The following ABCB1 variants were observed in gnomAD, a reference collection of about 807,000 sequenced individuals.
ABCB1 encodes ATP binding cassette subfamily B member 1.
A neutral mutation model predicts 142.0 loss-of-function variants in ABCB1; 69 were observed. The ratio of observed to expected loss-of-function variants is 0.49; its 90% CI spans 0.40 to 0.59. ABCB1 has a LOEUF of 0.59. Ranked by LOEUF, ABCB1 falls within the 20% of genes least tolerant of loss-of-function variation. The pLI, the probability that ABCB1 is intolerant of heterozygous loss-of-function variation, is 0.00. For synonymous variants in ABCB1, 532 were observed against 539.2 expected, an observed-to-expected ratio of 0.99 and a Z score of 0.18; for missense variants, 1,326 against 1,554.7, an observed-to-expected ratio of 0.85 and a Z score of 2.47.
chr7:87,676,772 C>T (rs1042592810), intron 1 of ABCB1, among the ~76,000 whole-genome samples: 1 of 151,018 alleles, frequency 6.6e-6, no homozygotes, highest in African/African-American at 2.4e-5. Flanking sequence ...ATCACAACTC[C>T]TTGCCTTATC....
intron 4 of ABCB1, among the ~76,000 whole-genome samples, chr7:87,573,177 A>G (rs776938725): frequency 7.9e-5 from 12 of 152,204 alleles, no homozygotes; most frequent in South Asian, 2.1e-4. Context: ...TTACATGACG[A>G]CAGTCAAGAG....
At chr7:87,626,335 C>CATATATATCT (rs1210197292) in intron 1 of ABCB1, among the ~76,000 whole-genome samples, 3 of 28,824 alleles carry the variant, frequency 1.0e-4, no homozygotes, top group Admixed American at 5.1e-4. Flanking sequence ...ATATATGTGT[C>CATATATATCT]GTATATGTGT....
chr7:87,628,773 G>C, intron 1 of ABCB1: 1 of 1,123,792 alleles, frequency 8.9e-7, no homozygotes, highest in South Asian at 4.5e-5. Context: ...AGCAGGTGTG[G>C]GGGGCGTGCG....
intron 3 of ABCB1, among the ~76,000 whole-genome samples, chr7:87,594,265 T>C (rs1377244060): frequency 6.6e-6 from 1 of 152,184 alleles, no homozygotes; most frequent in Non-Finnish European, 1.5e-5. Flanking sequence ...TTTCTTCATG[T>C]GTAAAACTGG....
In ABCB1 at chr7:87,566,127, G is replaced by T; in HGVS notation, c.645C>A (p.Thr215=). The T allele has an allele frequency of 1.2e-6, 2 of 1,614,092 alleles. No individual in the cohort carries two copies. Among genetic ancestry groups the T allele is most frequent in the Non-Finnish European group, 1.7e-6 (2 of 1,180,012 alleles). Residue 215 remains threonine (T), a synonymous_variant, in exon 7 of 28, where the codon ACC becomes ACA. Transcript: ENST00000622132. ...IVGFTRGWKL[T]LVILAISPVL... is the part of the protein sequence containing the mutation. ...CAGGACTGATGGCCAAAATCACAAGGGTTAGCTTCCAACCACGTGTAAATC... is the reference window on the plus strand; with the variant it reads ...CAGGACTGATGGCCAAAATCACAAGTGTTAGCTTCCAACCACGTGTAAATC...
rs1563080649 is a variant in ABCB1, at chr7:87,626,413, TATATATGTGTCATATGTATGTGTC to T, written c.-330-25359_-330-25336del. Among the ~76,000 whole-genome samples, 17 of 21,928 alleles carry T rather than the reference TATATATGTGTCATATGTATGTGTC, an allele frequency of 7.8e-4. 5 individuals carry two copies. Among genetic ancestry groups the T allele is most frequent in the African/African-American group, 1.3e-3 (2 of 1,536 alleles). 14.4% of individuals were successfully genotyped at this position (21,928 alleles called of 152,430 possible). A position where few individuals can be genotyped will look rare whatever the true frequency, so the allele number is the denominator to read the frequency against. ...ATATATGTGTCATATGTATGTGTCA[TATATATGTGTCATATGTATGTGTC>T]ATATATGTGTCATATATATGTGTCA... On this transcript the variant is annotated intron_variant, in intron 1 of 28. Transcript: ENST00000265724.
chr7:87,543,786 A>C (rs28381924), intron 17 of ABCB1, among the ~76,000 whole-genome samples: 1 of 152,186 alleles, frequency 6.6e-6, no homozygotes, highest in Non-Finnish European at 1.5e-5. Flanking sequence ...ACATTTGAGG[A>C]ACTCTCTTTG....
At chr7:87,504,503 T>A in intron 27 of ABCB1, 54 bp from the exon 28 acceptor site, 1 of 1,602,284 alleles carries the variant, frequency 6.2e-7, no homozygotes, top group Non-Finnish European at 8.5e-7. Flanking sequence ...CCCTAATTCC[T>A]CTTCCATAAA....
chr7:87,711,003 C>T (rs1830025430), intron 1 of ABCB1, among the ~76,000 whole-genome samples: 1 of 151,904 alleles, frequency 6.6e-6, no homozygotes, highest in African/African-American at 2.4e-5. Context: ...TTCTTTTCAC[C>T]TCAGTATTTC....
At chr7:87,700,123 T>C (rs1302475537) in intron 1 of ABCB1, among the ~76,000 whole-genome samples, 1 of 152,026 alleles carries the variant, frequency 6.6e-6, no homozygotes, top group East Asian at 1.9e-4. Flanking sequence ...ATTAGACAAA[T>C]AGGATGTTAA....
rs1818847050 is a variant in ABCB1 at position 87,588,261 on chromosome 7, ACAGATTATTTCATCACCCAGCT to A, written c.118-2603_118-2582del. 3.3e-5 allele frequency among the ~76,000 whole-genome samples: 5 copies of A among 151,976 alleles called. No individual in the cohort carries two copies. In the South Asian group the frequency reaches 1.0e-3, roughly 32 times the overall value. The stretch of plus-strand genomic sequence containing the variant: ...AACTTGTTTCATGGGGGGTTGTTGT[ACAGATTATTTCATCACCCAGCT>A]ATTAAGCCTAGTACTCGTTAGTTAT... On this transcript the variant is annotated intron_variant, in intron 3 of 27. Transcript: ENST00000622132.
At chr7:87,514,312 A>G (rs1815138590) in intron 25 of ABCB1, among the ~76,000 whole-genome samples, 1 of 152,162 alleles carries the variant, frequency 6.6e-6, no homozygotes. Context: ...AGTACAACTA[A>G]TTACATGCCT....
In ABCB1 at chr7:87,544,103, A is replaced by G; in HGVS notation, c.2211+26T>C. The G allele has an allele frequency of 1.9e-6, 3 of 1,613,374 alleles. No homozygotes were observed. In the East Asian group the frequency reaches 6.7e-5, roughly 36 times the overall value. The stretch of plus-strand genomic sequence containing the variant: ...TTCTTCCATCAGGATTCACAAGTAA[A>G]TCACACAAATGGGCATCACACTTAC... On this transcript the variant is annotated intron_variant, in intron 17 of 27. Transcript: ENST00000622132.
At position 87,509,503 on chromosome 7, in the gene ABCB1, T is replaced by A. The variant is rs200182870; in HGVS notation, c.3283-22A>T. Reference sequence around the variant, plus strand: ...GCAGCTGAAAACAAGAGTTCACAGATCAACTTCAGGACCAGCACACTTTGA... The same window carrying A: ...GCAGCTGAAAACAAGAGTTCACAGAACAACTTCAGGACCAGCACACTTTGA... On this transcript the variant is annotated intron_variant, in intron 25 of 27. Transcript: ENST00000622132. 2.5e-6 allele frequency: 4 copies of A among 1,611,550 alleles called. No homozygotes were observed. In the African/African-American group the frequency reaches 5.3e-5, roughly 22 times the overall value.
intron 1 of ABCB1, among the ~76,000 whole-genome samples, chr7:87,704,121 A>T (rs967632428): frequency 4.0e-5 from 6 of 151,694 alleles, no homozygotes; most frequent in African/African-American, 2.4e-5. Context: ...GGGTTTCACC[A>T]TATTGGCCAG....
At chr7:87,638,751 A>C (rs1398748370) in intron 1 of ABCB1, among the ~76,000 whole-genome samples, 1 of 151,852 alleles carries the variant, frequency 6.6e-6, no homozygotes, top group African/African-American at 2.4e-5. Context: ...GGCATTTATT[A>C]ATTTTACCAA....
chr7:87,592,742 T>C (rs769216724), intron 3 of ABCB1, among the ~76,000 whole-genome samples: 10 of 152,184 alleles, frequency 6.6e-5, no homozygotes, highest in Middle Eastern at 3.2e-3. Context: ...CAGGTACTTA[T>C]GTCCCTATAT....
At position 87,619,762 on chromosome 7, in the gene ABCB1, GTGTA is replaced by G. The variant is rs777861145; in HGVS notation, c.-330-18688_-330-18685del. ...CACAAACACATGTGTGTGTGTGTGT[GTGTA>G]TATATATATATATATGAATAAACTG... On this transcript the variant is annotated intron_variant, in intron 1 of 28. Coordinates refer to the ABCB1 transcript ENST00000265724. Among the ~76,000 whole-genome samples, 801 of 148,242 alleles carry G rather than the reference GTGTA, an allele frequency of 5.4e-3. 9 individuals are homozygous for G. The highest frequency in any genetic ancestry group is 0.019 in the African/African-American group (763 of 39,140).
At chr7:87,561,191 C>T (rs970930625) in intron 8 of ABCB1, 72 bp downstream of exon 8, 154 of 1,562,696 alleles carry the variant, frequency 9.9e-5, no homozygotes, top group Non-Finnish European at 1.3e-4. Context: ...TTATAAATAA[C>T]ACTGTCAATC....
Sources: gnomAD v4.1 joint callset for allele counts (sites outside exome capture counted in the v4.1 genomes callset) on GRCh38, gnomAD v4.1.1 for gene constraint, MANE v1.5 for transcripts, NCBI Gene and HGNC (gene_info 2026-07-23, HGNC 2026-07-21) for gene names.